The following GAREM1 variants were observed in gnomAD, a reference collection of about 807,000 sequenced individuals.
GAREM1 encodes GRB2 associated regulator of MAPK1 subtype 1, also known as GRB2-associated and regulator of MAPK protein 1.
GAREM1 carries 26 observed loss-of-function variants against 71.3 expected under a neutral mutation model. The ratio of observed to expected loss-of-function variants is 0.36; its 90% CI spans 0.27 to 0.51. The LOEUF (loss-of-function observed/expected upper bound fraction) is 0.51, where lower values mean the gene tolerates loss of function less well. GAREM1 is among the 20% of genes least tolerant of loss of function. The pLI is 0.95. For missense variants in GAREM1, 1,026 were observed against 1,103.1 expected (o/e 0.93, Z 0.99); for synonymous variants, 440 against 433.2 (o/e 1.02, Z -0.20).
chr18:32,296,891 G>T (rs1331361391), intron 3 of GAREM1, among the ~76,000 whole-genome samples: 2 of 151,984 alleles, frequency 1.3e-5, no homozygotes, highest in African/African-American at 4.8e-5. Context: ...AGAATCATCT[G>T]CTATCAATTT....
chr18:32,355,285 T>G (rs1468928794), intron 2 of GAREM1, among the ~76,000 whole-genome samples: 1 of 152,124 alleles, frequency 6.6e-6, no homozygotes, highest in Non-Finnish European at 1.5e-5. Flanking sequence ...AAAAAACAAC[T>G]CACAAAGCAA....
chr18:32,447,915 C>T (rs558607654), intron 1 of GAREM1, among the ~76,000 whole-genome samples: 1 of 152,218 alleles, frequency 6.6e-6, no homozygotes, highest in South Asian at 2.1e-4. Flanking sequence ...GAGGTGTTGC[C>T]TTCCTAATCC....
intron 1 of GAREM1, among the ~76,000 whole-genome samples, chr18:32,451,154 C>A (rs2048834677): frequency 6.6e-6 from 1 of 151,866 alleles, no homozygotes; most frequent in South Asian, 2.1e-4. Flanking sequence ...TTGTCTCAAA[C>A]AAAAACAAGA....
chr18:32,381,508 C>T (rs1325106139), intron 2 of GAREM1, among the ~76,000 whole-genome samples: 2 of 152,164 alleles, frequency 1.3e-5, no homozygotes, highest in African/African-American at 4.8e-5. Context: ...TTCCTCATTC[C>T]TCTTACCTAA....
At chr18:32,356,991 C>G (rs1324905436) in intron 2 of GAREM1, among the ~76,000 whole-genome samples, 1 of 152,300 alleles carries the variant, frequency 6.6e-6, no homozygotes, top group East Asian at 1.9e-4. Context: ...TCTGGCCCCA[C>G]AGCCTTCGTA....
At chr18:32,422,997 C>T (rs554153099) in intron 1 of GAREM1, among the ~76,000 whole-genome samples, 1 of 152,316 alleles carries the variant, frequency 6.6e-6, no homozygotes, top group East Asian at 1.9e-4. Flanking sequence ...ACTAAATCGC[C>T]TATTCTATAA....
At chr18:32,355,361 T>C (rs1400092893) in intron 2 of GAREM1, among the ~76,000 whole-genome samples, 6 of 152,202 alleles carry the variant, frequency 3.9e-5, no homozygotes, top group Non-Finnish European at 8.8e-5. Flanking sequence ...TAAAATTTTA[T>C]TTTGTGAAAG....
chr18:32,425,662 T>C (rs2048567052), intron 1 of GAREM1, among the ~76,000 whole-genome samples: 1 of 152,218 alleles, frequency 6.6e-6, no homozygotes, highest in Non-Finnish European at 1.5e-5. Context: ...AAATGTTCAG[T>C]GAAGGCTTGT....
At chr18:32,406,072 C>G (rs954311686) in intron 1 of GAREM1, among the ~76,000 whole-genome samples, 1 of 152,236 alleles carries the variant, frequency 6.6e-6, no homozygotes, top group African/African-American at 2.4e-5. Flanking sequence ...CAAACTTACC[C>G]TTCACCTTGC....
At chr18:32,405,516 T>G (rs899860345) in intron 1 of GAREM1, among the ~76,000 whole-genome samples, 3 of 152,080 alleles carry the variant, frequency 2.0e-5, no homozygotes, top group Non-Finnish European at 2.9e-5. Flanking sequence ...CAATTTAAAC[T>G]TTTTTCAAAA....
intron 2 of GAREM1, among the ~76,000 whole-genome samples, chr18:32,312,190 A>C (rs1385239938): frequency 6.6e-6 from 1 of 152,246 alleles, no homozygotes; most frequent in East Asian, 1.9e-4. Flanking sequence ...GCTGGAAAGA[A>C]TAAATCTGGC....
chr18:32,356,214 G>A (rs892918426), intron 2 of GAREM1, among the ~76,000 whole-genome samples: 4 of 152,142 alleles, frequency 2.6e-5, no homozygotes, highest in African/African-American at 9.7e-5. Context: ...TTGAGAAAAT[G>A]AGTAATTCAA....
intron 4 of GAREM1, 121 bp from the exon 5 acceptor site, chr18:32,270,504 G>T: frequency 1.3e-6 from 1 of 762,974 alleles, no homozygotes; most frequent in Non-Finnish European, 2.0e-6. Context: ...TGTAAGCATG[G>T]CAGAGAGAAG....
At chr18:32,276,980 G>C (rs2041551711) in intron 4 of GAREM1, among the ~76,000 whole-genome samples, 1 of 152,172 alleles carries the variant, frequency 6.6e-6, no homozygotes, top group Non-Finnish European at 1.5e-5. Flanking sequence ...GGGAGGGAGA[G>C]CTGCAGGGGA....
intron 2 of GAREM1, among the ~76,000 whole-genome samples, chr18:32,311,393 T>C (rs537389176): frequency 2.0e-5 from 3 of 152,364 alleles, no homozygotes; most frequent in Admixed American, 6.5e-5. Context: ...TTATTCTAGA[T>C]GCTGGAGATC....
At chr18:32,332,786 G>C (rs540023340) in intron 2 of GAREM1, among the ~76,000 whole-genome samples, 5 of 152,184 alleles carry the variant, frequency 3.3e-5, no homozygotes, top group Non-Finnish European at 7.4e-5. Context: ...TGAGGCTTCA[G>C]AGATGGAACC....
At chr18:32,351,139 A>G (rs759108727) in intron 2 of GAREM1, among the ~76,000 whole-genome samples, 2 of 152,144 alleles carry the variant, frequency 1.3e-5, no homozygotes, top group Non-Finnish European at 2.9e-5. Context: ...AAAGTAGCCA[A>G]TGATGCTATT....
intron 1 of GAREM1, among the ~76,000 whole-genome samples, chr18:32,466,104 C>A (rs1474144685): frequency 6.6e-6 from 1 of 151,830 alleles, no homozygotes; most frequent in East Asian, 1.9e-4. Flanking sequence ...TAAAAACAAC[C>A]AGAAATCATT....
At chr18:32,405,359 G>A (rs1362181009) in intron 1 of GAREM1, among the ~76,000 whole-genome samples, 2 of 150,514 alleles carry the variant, frequency 1.3e-5, no homozygotes, top group African/African-American at 4.9e-5. Context: ...CCACCATGCT[G>A]GCTAATTTTT....
Sources: allele counts gnomAD v4.1 joint callset (sites outside exome capture counted in the v4.1 genomes callset), GRCh38; gene constraint gnomAD v4.1.1; transcripts MANE v1.5; gene names NCBI Gene and HGNC (gene_info 2026-07-23, HGNC 2026-07-21).